AOPEP: variants seen among roughly 807,000 people sequenced by gnomAD.
AOPEP encodes the protein aminopeptidase O (putative).
In AOPEP, 77 loss-of-function variants were observed where a neutral mutation model predicts 98.1. The observed-to-expected ratio is 0.78, with a 90% CI of 0.65 to 0.95. The LOEUF (loss-of-function observed/expected upper bound fraction) is 0.95. Among genes scored for constraint, AOPEP ranks in the 40% least tolerant of loss-of-function variants. The pLI is 0.00. For missense variants in AOPEP, 1,024 were observed against 1,024.7 expected (o/e 1.00, Z 0.01); for synonymous variants, 346 against 365.3 (o/e 0.95, Z 0.60).
intron 1 of AOPEP, among the ~76,000 whole-genome samples, chr9:94,750,308 A>G (rs994345131): frequency 6.6e-6 from 1 of 152,188 alleles, no homozygotes; most frequent in Non-Finnish European, 1.5e-5. Flanking sequence ...GGTTTCGGCC[A>G]GGTGCAGTGG....
At chr9:95,137,534 A>G in the AOPEP span, among the ~76,000 whole-genome samples, 1 of 152,078 alleles carries the variant, frequency 6.6e-6, no homozygotes, top group Non-Finnish European at 1.5e-5. Flanking sequence ...CACCCCCTCA[A>G]TACTGGACAT....
Position 94,972,936 on chromosome 9 carries a change from C to G in AOPEP, c.1916+5135C>G, listed in dbSNP as rs547996632. Among the ~76,000 whole-genome samples the G allele has an allele frequency of 9.9e-5, 15 of 150,964 alleles. No homozygotes were observed. Among genetic ancestry groups the G allele is most frequent in the African/African-American group, 3.2e-4 (13 of 41,140 alleles). ...CCTGGGAGACAGAGTGAGACCCTGT[C>G]TCAAAAAAAAAAGGAAGAAAATAAG... On this transcript the variant is annotated intron_variant, in intron 10 of 16. Transcript: ENST00000375315. This position sits in a 1 kb window ranked among gnomAD's most constrained non-coding sequence, Gnocchi z 4.2.
In AOPEP at chr9:94,808,259, C is replaced by T. The variant is rs1396652672; in HGVS notation, c.1364+7257C>T. The stretch of plus-strand genomic sequence containing the variant: ...TTCACCATGTTGCCCAGGCTGGTCA[C>T]GAACTCCTGAGCTCAGGCAGTCCAC... On this transcript the variant is annotated intron_variant, in intron 5 of 16. Transcript: ENST00000375315. 2.0e-5 allele frequency among the ~76,000 whole-genome samples: 3 copies of T among 152,270 alleles called. No homozygotes were observed. The East Asian group carries it at 5.8e-4, about 29-fold the overall frequency.
intron 1 of AOPEP, among the ~76,000 whole-genome samples, chr9:94,744,455 C>CT (rs1257674615): frequency 2.0e-5 from 3 of 151,824 alleles, no homozygotes; most frequent in Non-Finnish European, 4.4e-5. Flanking sequence ...AATCCTAGCA[C>CT]TTTGAGAGGC....
rs938669314 is a variant in AOPEP, at chr9:94,964,929, A to G, written c.1873-2829A>G. Among the ~76,000 whole-genome samples, 37 of 152,122 alleles carry G rather than the reference A, an allele frequency of 2.4e-4. 1 individual carries two copies. Among genetic ancestry groups the G allele is most frequent in the Non-Finnish European group, 5.9e-5 (4 of 68,008 alleles). ...TCTGGGATTACAGGCGTGAGACACCACACCCGGCCCCTACAAGGACTTGGA... is the reference window on the plus strand; with the variant it reads ...TCTGGGATTACAGGCGTGAGACACCGCACCCGGCCCCTACAAGGACTTGGA... On this transcript the variant is annotated intron_variant, in intron 9 of 16. Coordinates refer to ENST00000375315, the MANE Select transcript of AOPEP (RefSeq NM_001193329.3).
chr9:94,932,071 C>T, intron 7 of AOPEP: 1 of 1,100,566 alleles, frequency 9.1e-7, no homozygotes, highest in Non-Finnish European at 1.1e-6. Context: ...GGGACGGAAA[C>T]TCTTCTCGGT....
At chr9:95,067,362 A>G (rs1055786223) in intron 14 of AOPEP, among the ~76,000 whole-genome samples, 5 of 152,154 alleles carry the variant, frequency 3.3e-5, no homozygotes, top group Non-Finnish European at 7.4e-5. Flanking sequence ...AGATTGGCTA[A>G]ACTTTGTGGG....
chr9:95,116,062 T>C, the AOPEP span, among the ~76,000 whole-genome samples: 1 of 152,248 alleles, frequency 6.6e-6, no homozygotes. Flanking sequence ...AAGCCACCTA[T>C]TTATATTTGG....
chr9:95,093,448 A>G, the AOPEP span, among the ~76,000 whole-genome samples: 1 of 152,212 alleles, frequency 6.6e-6, no homozygotes, highest in Non-Finnish European at 1.5e-5. Flanking sequence ...TTAAAGTTAC[A>G]GATGGTGCCT....
At chr9:94,879,514 A>G (rs2047333370) in intron 5 of AOPEP, among the ~76,000 whole-genome samples, 1 of 152,224 alleles carries the variant, frequency 6.6e-6, no homozygotes, top group African/African-American at 2.4e-5. Context: ...TTACCCAGTA[A>G]AATGAGTTTC....
At chr9:94,735,344 G>A (rs776869752) in intron 1 of AOPEP, among the ~76,000 whole-genome samples, 9 of 152,108 alleles carry the variant, frequency 5.9e-5, no homozygotes, top group South Asian at 4.1e-4. Context: ...CCTCAGCCTC[G>A]CAAGTAGCTG....
intron 13 of AOPEP, among the ~76,000 whole-genome samples, chr9:95,045,848 G>C (rs2065817275): frequency 6.6e-6 from 1 of 152,200 alleles, no homozygotes. Flanking sequence ...AGTACCAGTA[G>C]ATTTCAGGCA....
At chr9:95,103,796 A>G in the AOPEP span, among the ~76,000 whole-genome samples, 1 of 152,240 alleles carries the variant, frequency 6.6e-6, no homozygotes, top group Admixed American at 6.5e-5. Flanking sequence ...GAGGCCACAC[A>G]GGAGGCAGGC....
intron 1 of AOPEP, among the ~76,000 whole-genome samples, chr9:94,745,375 A>G (rs1588012343): frequency 6.6e-6 from 1 of 151,094 alleles, no homozygotes; most frequent in African/African-American, 2.4e-5. Flanking sequence ...TCCTGGGTCC[A>G]CGCCATTCTC....
intron 9 of AOPEP, among the ~76,000 whole-genome samples, chr9:94,956,772 T>C (rs1435581088): frequency 6.6e-6 from 1 of 152,218 alleles, no homozygotes; most frequent in East Asian, 1.9e-4. Flanking sequence ...ATCCTTAGCA[T>C]AGATTGGACT....
intron 2 of AOPEP, among the ~76,000 whole-genome samples, chr9:94,767,643 C>G (rs902822556): frequency 2.0e-5 from 3 of 152,158 alleles, no homozygotes; most frequent in Non-Finnish European, 2.9e-5. Flanking sequence ...AATCCTATAC[C>G]CACAAGCACT....
chr9:94,829,234 A>G (rs572418524), intron 5 of AOPEP, among the ~76,000 whole-genome samples: 2 of 152,138 alleles, frequency 1.3e-5, no homozygotes, highest in East Asian at 3.9e-4. Context: ...ACACACACAT[A>G]ATTACATATA....
intron 1 of AOPEP, among the ~76,000 whole-genome samples, 175 bp from the exon 2 acceptor site, chr9:94,759,474 C>T (rs1443830658): frequency 6.6e-6 from 1 of 152,144 alleles, no homozygotes; most frequent in Non-Finnish European, 1.5e-5. Flanking sequence ...TTTTAGAAAC[C>T]CATAATGCAG....
intron 5 of AOPEP, among the ~76,000 whole-genome samples, chr9:94,849,593 A>G: frequency 6.7e-6 from 1 of 150,148 alleles, no homozygotes; most frequent in Non-Finnish European, 1.5e-5. Context: ...TTTGTGGAAG[A>G]CAGTTTTTCC....
Sources: allele counts gnomAD v4.1 joint callset (sites outside exome capture counted in the v4.1 genomes callset), GRCh38; gene constraint gnomAD v4.1.1; non-coding constraint Gnocchi (gnomAD v3.1); transcripts MANE v1.5; gene names NCBI Gene and HGNC (gene_info 2026-07-23, HGNC 2026-07-21).